SEMA6D: variants seen among roughly 807,000 people sequenced by gnomAD.
The protein encoded by SEMA6D is semaphorin-6D.
SEMA6D carries 35 observed loss-of-function variants against 106.6 expected under a neutral mutation model. The observed-to-expected ratio is 0.33, with a 90% CI of 0.25 to 0.44. The LOEUF (loss-of-function observed/expected upper bound fraction) is 0.44. Among genes scored for constraint, SEMA6D ranks in the 20% least tolerant of loss-of-function variants. The pLI is 1.00. For synonymous variants in SEMA6D, 499 were observed against 487.7 expected (o/e 1.02, Z -0.31); for missense variants, 1,185 against 1,345.9 (o/e 0.88, Z 1.87).
intron 4 of SEMA6D, among the ~76,000 whole-genome samples, chr15:47,678,867 A>G (rs2078294647): frequency 6.6e-6 from 1 of 152,052 alleles, no homozygotes; most frequent in Non-Finnish European, 1.5e-5. Context: ...GTGTTTTGCT[A>G]TTTTGGCCCC....
At chr15:47,242,434 C>T (rs1368295363) in intron 1 of SEMA6D, among the ~76,000 whole-genome samples, 1 of 152,112 alleles carries the variant, frequency 6.6e-6, no homozygotes, top group Non-Finnish European at 1.5e-5. Context: ...ATTTTCCTCC[C>T]AGTTGTTCCT....
chr15:47,617,377 T>TATGTCTTCCATGATGTCTTCCATG (rs1165164589), intron 4 of SEMA6D, among the ~76,000 whole-genome samples: 1 of 152,196 alleles, frequency 6.6e-6, no homozygotes, highest in Non-Finnish European at 1.5e-5. Flanking sequence ...AAAGTTTTAC[T>TATGTCTTCCATGATGTCTTCCATG]ATGTCTTCCA....
At chr15:47,410,611 T>C (rs927059976) in intron 1 of SEMA6D, among the ~76,000 whole-genome samples, 2 of 152,180 alleles carry the variant, frequency 1.3e-5, no homozygotes, top group African/African-American at 4.8e-5. Flanking sequence ...CTCTACTAAT[T>C]AGTTATTGAA....
At chr15:47,537,735 G>A (rs2045217328) in intron 3 of SEMA6D, among the ~76,000 whole-genome samples, 1 of 152,028 alleles carries the variant, frequency 6.6e-6, no homozygotes, top group Non-Finnish European at 1.5e-5. Context: ...GACTGGCTAC[G>A]GAGGCGCAAG....
At chr15:47,527,405 G>A (rs1028023300) in intron 3 of SEMA6D, among the ~76,000 whole-genome samples, 6 of 152,148 alleles carry the variant, frequency 3.9e-5, no homozygotes, top group African/African-American at 9.7e-5. Flanking sequence ...AAATTTCTAT[G>A]ATAGCACATA....
chr15:47,639,655 C>T (rs2077453911), intron 4 of SEMA6D, among the ~76,000 whole-genome samples: 1 of 152,174 alleles, frequency 6.6e-6, no homozygotes, highest in Non-Finnish European at 1.5e-5. Flanking sequence ...TATCAACAGT[C>T]AGAAGTCATG....
intron 1 of SEMA6D, among the ~76,000 whole-genome samples, chr15:47,404,338 T>A (rs8034253): frequency 0.38 from 57,577 of 151,982 alleles, 11,330 homozygotes; most frequent in Middle Eastern, 0.55. Context: ...GTGGCAGTTA[T>A]AATTTTATTT....
At chr15:47,329,246 A>ATTCCT (rs2037246957) in intron 1 of SEMA6D, among the ~76,000 whole-genome samples, 5 of 152,196 alleles carry the variant, frequency 3.3e-5, no homozygotes, top group Admixed American at 1.3e-4. Context: ...CAGCAGAAAG[A>ATTCCT]GCTGAGGGGT....
intron 2 of SEMA6D, among the ~76,000 whole-genome samples, chr15:47,435,278 C>T (rs1256676755): frequency 6.6e-6 from 1 of 152,022 alleles, no homozygotes; most frequent in Admixed American, 6.6e-5. Flanking sequence ...GTAAAAGCAG[C>T]CTGGTTTGTG....
At chr15:47,268,059 A>AC (rs2034401819) in intron 1 of SEMA6D, among the ~76,000 whole-genome samples, 1 of 152,074 alleles carries the variant, frequency 6.6e-6, no homozygotes, top group South Asian at 2.1e-4. Context: ...AGAATCAAAG[A>AC]CCCCACCCAA....
At chr15:47,637,190 G>A (rs73392808) in intron 4 of SEMA6D, among the ~76,000 whole-genome samples, 5,235 of 152,240 alleles carry the variant, frequency 0.034, 296 homozygotes, top group African/African-American at 0.12. Context: ...TGTAGCTATC[G>A]CTTATTGTTA....
chr15:47,769,569 A>G (rs999812856), intron 18 of SEMA6D, among the ~76,000 whole-genome samples: 1 of 152,192 alleles, frequency 6.6e-6, no homozygotes, highest in East Asian at 1.9e-4. Flanking sequence ...TTAATTAAAA[A>G]CAACTAATGT....
chr15:47,517,362 G>C (rs992864725), intron 3 of SEMA6D, among the ~76,000 whole-genome samples: 1 of 152,032 alleles, frequency 6.6e-6, no homozygotes, highest in African/African-American at 2.4e-5. Context: ...GAAGGACTCT[G>C]GCATGAGAGC....
At chr15:47,263,158 T>C (rs1161224038) in intron 1 of SEMA6D, among the ~76,000 whole-genome samples, 1 of 152,040 alleles carries the variant, frequency 6.6e-6, no homozygotes. Context: ...ATGATGAAGA[T>C]GCCAAAAGCA....
chr15:47,768,044 A>C (rs2082435357), intron 17 of SEMA6D, among the ~76,000 whole-genome samples: 1 of 152,130 alleles, frequency 6.6e-6, no homozygotes, highest in Non-Finnish European at 1.5e-5. Context: ...ATAGTGAATA[A>C]TCTACAAATG....
At position 47,675,825 on chromosome 15, in the gene SEMA6D, C is replaced by G. The variant is rs1470193544; in HGVS notation, c.-55+74929C>G. ...CTCAGAGGCATCCCTACCCCTTTCCCTGATGTGCCCTGTACTGCAGGGAAG... is the reference window on the plus strand; with the variant it reads ...CTCAGAGGCATCCCTACCCCTTTCCGTGATGTGCCCTGTACTGCAGGGAAG... On this transcript the variant is annotated intron_variant, in intron 4 of 19. Coordinates refer to the SEMA6D transcript ENST00000558014. Among the ~76,000 whole-genome samples the G allele has an allele frequency of 2.6e-5, 4 of 152,100 alleles. No homozygotes were observed. In the East Asian group the frequency reaches 5.8e-4, roughly 22 times the overall value.
At chr15:47,342,244 G>A (rs184531226) in intron 1 of SEMA6D, among the ~76,000 whole-genome samples, 15 of 152,006 alleles carry the variant, frequency 9.9e-5, no homozygotes, top group East Asian at 1.9e-4. Context: ...TCTTCTTTCC[G>A]CCTAAAAGTT....
chr15:47,731,704 T>C (rs1431490238), intron 1 of SEMA6D, among the ~76,000 whole-genome samples: 1 of 152,236 alleles, frequency 6.6e-6, no homozygotes, highest in East Asian at 1.9e-4. Flanking sequence ...ATTTATTTTG[T>C]TGCCTTTTTC....
intron 1 of SEMA6D, among the ~76,000 whole-genome samples, chr15:47,752,499 G>A (rs1182021775): frequency 2.0e-5 from 3 of 152,178 alleles, no homozygotes; most frequent in Non-Finnish European, 4.4e-5. Context: ...CCAGTGAAGA[G>A]CAGTGAAGAC....
Sources: allele counts gnomAD v4.1 joint callset (sites outside exome capture counted in the v4.1 genomes callset), GRCh38; gene constraint gnomAD v4.1.1; transcripts MANE v1.5; gene names NCBI Gene and HGNC (gene_info 2026-07-23, HGNC 2026-07-21).